NPTN: variants seen among roughly 807,000 people sequenced by gnomAD.
NPTN encodes the protein neuroplastin.
Under a neutral mutation model 42.7 loss-of-function variants are expected in NPTN, and 5 were observed. That is an observed-to-expected ratio of 0.12 (90% CI 0.06 to 0.25). NPTN has a LOEUF of 0.25. Ranked by LOEUF, NPTN falls within the 10% of genes least tolerant of loss-of-function variation. The probability of loss-of-function intolerance (pLI) is 1.00; values close to 1 mark genes in which losing one functional copy is unlikely to be tolerated. For missense variants in NPTN, 307 were observed against 525.4 expected, an observed-to-expected ratio of 0.58 and a Z score of 4.06; for synonymous variants, 180 against 201.9, an observed-to-expected ratio of 0.89 and a Z score of 0.92.
Position 73,570,213 on chromosome 15 carries a change from T to C in NPTN, c.1051A>G (p.Ile351Val), listed in dbSNP as rs1435916530. Residue 351 changes from isoleucine to valine, a missense_variant, in exon 6 of 9, where the codon ATC (isoleucine) becomes GTC (valine). This residue lies in a region of NPTN where 264 missense variants were observed against 491.1 expected (regional missense o/e 0.54). Transcript: ENST00000345330. This position sits in a 1 kb window ranked among gnomAD's most constrained non-coding sequence, Gnocchi z 4.0. ...ACAACAATGATCACCACAAGGATGA[T>C]AATTTCAGCCAGAATTCCCAAGAAA... ...WPFLGILAEIIILVVIIVVYE... is the reference protein window; with the variant it reads ...WPFLGILAEIVILVVIIVVYE... 2.5e-6 allele frequency: 4 copies of C among 1,614,030 alleles called. No homozygotes were observed. Among genetic ancestry groups the C allele is most frequent in the Non-Finnish European group, 8.5e-7 (1 of 1,180,030 alleles).
At chr15:73,610,756 T>C (rs898357954) in intron 1 of NPTN, among the ~76,000 whole-genome samples, 1 of 152,212 alleles carries the variant, frequency 6.6e-6, no homozygotes, top group Non-Finnish European at 1.5e-5. Context: ...CCCCTTTTCC[T>C]ACCCTTCTGG....
intron 4 of NPTN, among the ~76,000 whole-genome samples, chr15:73,581,475 C>A (rs1243163145): frequency 6.6e-6 from 1 of 152,178 alleles, no homozygotes; most frequent in African/African-American, 2.4e-5. Context: ...CATTCTCTGG[C>A]CTTGTTAGTC....
At chr15:73,603,756 C>G (rs1897169882) in intron 1 of NPTN, among the ~76,000 whole-genome samples, 1 of 152,124 alleles carries the variant, frequency 6.6e-6, no homozygotes, top group Non-Finnish European at 1.5e-5. Context: ...GGATATTGAA[C>G]AGGCCAAACT....
Position 73,633,131 on chromosome 15 carries a change from G to C in NPTN, c.85C>G (p.Gln29Glu), listed in dbSNP as rs372680709. 4.0e-6 allele frequency: 6 copies of C among 1,489,844 alleles called. No homozygotes were observed. The highest frequency in any genetic ancestry group is 5.6e-5 in the Admixed American group (2 of 35,758). 92.3% of individuals were successfully genotyped at this position (1,489,844 alleles called of 1,614,324 possible). The change falls in exon 1 of 9, where the codon CAG becomes GAG. Residue 29 changes from glutamine (Q) to glutamate (E), a missense_variant. Gln to Glu is a conservative substitution (Grantham distance 29). Transcript: ENST00000345330. The part of the protein sequence containing the change: ...GSLLPGPGAA[Q>E]NAGFVKSPMS... The stretch of plus-strand genomic sequence containing the variant: ...CCCCCGGCGCCCCGCTTACCGTTCT[G>C]AGCGGCGCCTGGCCCTGGGAGGAGG...
In NPTN at chr15:73,570,280, G is replaced by T. The variant is rs1442394195; in HGVS notation, c.984C>A (p.Val328=). 2 of 1,614,252 alleles carry T rather than the reference G, an allele frequency of 1.2e-6. No individual in the cohort carries two copies. Among genetic ancestry groups the T allele is most frequent in the East Asian group, 4.5e-5 (2 of 44,882 alleles). ...ATNAIGSASV[V]TVLRVRSHLA... is the part of the protein sequence containing the mutation. ...GGTGGCTCCGCACCCTGAGGACAGT[G>T]ACAACAGAGGCGGAGCCAATGGCGT... Residue 328 remains valine, a synonymous_variant, in exon 6 of 9, where the codon GTC becomes GTA. Transcript: ENST00000345330. This position sits in a 1 kb window ranked among gnomAD's most constrained non-coding sequence, Gnocchi z 4.0.
At chr15:73,590,827 C>G (rs796693899) in intron 3 of NPTN, among the ~76,000 whole-genome samples, 4 of 152,034 alleles carry the variant, frequency 2.6e-5, no homozygotes, top group Non-Finnish European at 5.9e-5. Context: ...GAAAAAAATG[C>G]TTTTCATTCC....
chr15:73,586,283 T>C (rs1292462527), intron 4 of NPTN, among the ~76,000 whole-genome samples: 1 of 152,154 alleles, frequency 6.6e-6, no homozygotes, highest in African/African-American at 2.4e-5. Context: ...TTAGAGAAAA[T>C]GTTTTCCCAC....
chr15:73,592,286 G>A, intron 2 of NPTN, 149 bp from the exon 3 acceptor site: 1 of 606,918 alleles, frequency 1.6e-6, no homozygotes, highest in South Asian at 2.7e-5. Flanking sequence ...CCACTTTGGA[G>A]GAAGTCAAGA....
At chr15:73,587,197 A>C (rs999347197) in intron 4 of NPTN, among the ~76,000 whole-genome samples, 4 of 152,176 alleles carry the variant, frequency 2.6e-5, no homozygotes, top group African/African-American at 7.2e-5. Flanking sequence ...TGACATATAA[A>C]AACAGCAATT....
chr15:73,576,982 T>C (rs1349892050), intron 4 of NPTN, among the ~76,000 whole-genome samples: 1 of 152,220 alleles, frequency 6.6e-6, no homozygotes, highest in Non-Finnish European at 1.5e-5. Context: ...ATACTGTTGT[T>C]AGCTGTTCTT....
chr15:73,577,779 G>A (rs1447980405), intron 4 of NPTN, among the ~76,000 whole-genome samples: 2 of 152,046 alleles, frequency 1.3e-5, no homozygotes, highest in African/African-American at 2.4e-5. Context: ...ATCTGATCCT[G>A]TGACCCCCAC....
intron 1 of NPTN, among the ~76,000 whole-genome samples, chr15:73,622,248 T>C (rs948257930): frequency 6.6e-6 from 1 of 152,150 alleles, no homozygotes; most frequent in Non-Finnish European, 1.5e-5. Flanking sequence ...CTAAATCAGG[T>C]GGTTACAATT....
intron 4 of NPTN, among the ~76,000 whole-genome samples, chr15:73,586,969 G>C (rs1393758384): frequency 6.6e-6 from 1 of 152,100 alleles, no homozygotes; most frequent in East Asian, 1.9e-4. Flanking sequence ...AGTTCTGTTT[G>C]CCCATCTTGG....
rs1894568746 is a variant in NPTN at position 73,560,063 on chromosome 15, A to G, written c.*1000T>C. The G allele has an allele frequency of 1.5e-6, 1 of 656,344 alleles. No homozygotes were observed. Among genetic ancestry groups the G allele is most frequent in the Non-Finnish European group, 2.4e-6 (1 of 417,384 alleles). The allele number at this position is 656,344 out of a possible 1,614,324, so 40.7% of individuals were successfully genotyped here. A position where few individuals can be genotyped will look rare whatever the true frequency, so the allele number is the denominator to read the frequency against. Reference sequence around the variant, plus strand: ...TAAAAACAGGTGAATCCACTTTTTTATACATCATTGCACTTCAATAATTAC... The same window carrying G: ...TAAAAACAGGTGAATCCACTTTTTTGTACATCATTGCACTTCAATAATTAC... On this transcript the variant is annotated 3_prime_UTR_variant, in exon 9 of 9. Transcript: ENST00000345330.
chr15:73,562,784 C>T (rs1307209485), intron 7 of NPTN, among the ~76,000 whole-genome samples: 1 of 152,042 alleles, frequency 6.6e-6, no homozygotes, highest in Non-Finnish European at 1.5e-5. Context: ...AATACAGGGA[C>T]CCTTTTACTA....
At chr15:73,631,254 A>T (rs1898724432) in intron 1 of NPTN, among the ~76,000 whole-genome samples, 1 of 152,260 alleles carries the variant, frequency 6.6e-6, no homozygotes, top group African/African-American at 2.4e-5. Flanking sequence ...TGAATAGCTA[A>T]AATTAGCATT....
In NPTN at chr15:73,587,402, CACA is replaced by C. The variant is rs1896370888; in HGVS notation, c.706+119_706+121del. On this transcript the variant is annotated intron_variant, in intron 4 of 8. Transcript: ENST00000345330. ...CACGATCCTGAGCCTGTGGCCTAAC[CACA>C]ACATTATATTGTGTCTCGACATGGA... is the stretch of plus-strand genomic sequence containing the variant. 8 of 714,270 alleles carry C rather than the reference CACA, an allele frequency of 1.1e-5. No individual in the cohort carries two copies. In the South Asian group the frequency reaches 1.4e-4, roughly 13 times the overall value. The allele number at this position is 714,270 out of a possible 1,614,324, so 44.2% of individuals were successfully genotyped here.
chr15:73,601,886 A>G (rs1185848529), intron 1 of NPTN, among the ~76,000 whole-genome samples: 1 of 152,170 alleles, frequency 6.6e-6, no homozygotes, highest in Non-Finnish European at 1.5e-5. Context: ...TTAAAAATGG[A>G]GGCAGCAAAC....
chr15:73,597,064 T>C lies in NPTN; in HGVS notation c.397A>G (p.Ile133Val). 3 of 1,614,130 alleles carry C rather than the reference T, an allele frequency of 1.9e-6. No homozygotes were observed. Among genetic ancestry groups the C allele is most frequent in the South Asian group, 1.1e-5 (1 of 91,062 alleles). The change falls in exon 2 of 9, where the codon ATA becomes GTA. Residue 133 changes from isoleucine to valine, a missense_variant. Physicochemically the swap from Ile to Val is conservative, Grantham distance 29. This residue lies in a region of NPTN where 264 missense variants were observed against 491.1 expected (regional missense o/e 0.54). Transcript: ENST00000345330. This position sits in a 1 kb window ranked among gnomAD's most constrained non-coding sequence, Gnocchi z 6.3. Reference sequence around the variant, plus strand: ...GTGGCCTGGGCTCGAATCCATGTTATGGAGGGGTTTTGCCTCAAGTCATTC... The same window carrying C: ...GTGGCCTGGGCTCGAATCCATGTTACGGAGGGGTTTTGCCTCAAGTCATTC... Reference protein sequence around the residue: ...KRNDLRQNPSITWIRAQATIS... With the variant: ...KRNDLRQNPSVTWIRAQATIS...
Sources: gnomAD v4.1 joint callset for allele counts (sites outside exome capture counted in the v4.1 genomes callset) on GRCh38, gnomAD v4.1.1 for gene constraint, gnomAD v4.1.1 regional missense constraint, Gnocchi (gnomAD v3.1) non-coding constraint, MANE v1.5 for transcripts, NCBI Gene and HGNC (gene_info 2026-07-23, HGNC 2026-07-21) for gene names.